The following UPF2 variants were observed in gnomAD, a reference collection of about 807,000 sequenced individuals.
UPF2 encodes the protein UPF2 regulator of nonsense mediated mRNA decay, also known as regulator of nonsense transcripts 2.
In UPF2, 17 loss-of-function variants were observed where a neutral mutation model predicts 141.4. The observed-to-expected ratio is 0.12, with a 90% CI of 0.08 to 0.18. The LOEUF is 0.18. UPF2 is among the 10% of genes least tolerant of loss of function. The pLI, the probability that UPF2 is intolerant of heterozygous loss-of-function variation, is 1.00. For missense variants in UPF2, 1,152 were observed against 1,515.9 expected (o/e 0.76, Z 3.99); for synonymous variants, 540 against 498.0 (o/e 1.08, Z -1.12).
chr10:12,036,655 G>C (rs1316282605), intron 1 of UPF2, among the ~76,000 whole-genome samples: 1 of 152,170 alleles, frequency 6.6e-6, no homozygotes, highest in Non-Finnish European at 1.5e-5. Flanking sequence ...TCTCTACTCA[G>C]AACTAGTTGT....
chr10:12,028,883 A>C lies in UPF2; in HGVS notation c.1007T>G (p.Leu336Trp). ...KVKSAAEKFNLSFPPSEIISP... is the reference protein window; with the variant it reads ...KVKSAAEKFNWSFPPSEIISP... ...AATTATCTCACTAGGAGGAAAACTCAAATTAAACTTCTCTGCAGCACTCTT... is the reference window on the plus strand; with the variant it reads ...AATTATCTCACTAGGAGGAAAACTCCAATTAAACTTCTCTGCAGCACTCTT... The change falls in exon 3 of 22, where the codon TTG (leucine) becomes TGG (tryptophan). Residue 336 changes from leucine (L) to tryptophan (W), a missense_variant. By Grantham distance (61) the Leu-to-Trp change is moderately conservative (BLOSUM62 -2). Around this residue, in one of 4 missense-constraint regions of UPF2, gnomAD observed 739 missense variants for 1,032.2 expected, o/e 0.72. Transcript: ENST00000357604. The C allele has an allele frequency of 1.9e-6, 3 of 1,614,206 alleles. No homozygotes were observed. Among genetic ancestry groups the C allele is most frequent in the Non-Finnish European group, 2.5e-6 (3 of 1,180,034 alleles).
chr10:11,999,190 C>T (rs1388041845), intron 7 of UPF2, among the ~76,000 whole-genome samples: 1 of 151,910 alleles, frequency 6.6e-6, no homozygotes, highest in Non-Finnish European at 1.5e-5. Context: ...CCCACCATCA[C>T]TTTTGCAAAT....
chr10:11,981,686 CT>C (rs35831597), intron 8 of UPF2, among the ~76,000 whole-genome samples: 147,020 of 151,576 alleles, frequency 0.97, 71,462 homozygotes, highest in Middle Eastern at 1. Context: ...GTAAGGTACT[CT>C]TTTTTTTTTC....
rs780250944 is a variant in UPF2, at chr10:12,029,318, T to C, written c.572A>G (p.His191Arg). ...ITEQQRDSLS[H>R]DFNGLNLSKY... The stretch of plus-strand genomic sequence containing the variant: ...GCTTAAATTTAGGCCATTAAAATCA[T>C]GGGACAAGGAGTCTCTCTGTTGTTC... The change falls in exon 3 of 22, where the codon CAT becomes CGT. Residue 191 changes from histidine to arginine, a missense_variant. His to Arg is a conservative substitution (Grantham distance 29). Transcript: ENST00000357604. 5 of 1,614,174 alleles carry C rather than the reference T, an allele frequency of 3.1e-6. No homozygotes were observed. The South Asian group carries it at 3.3e-5, about 11-fold the overall frequency.
At chr10:12,020,262 A>AT (rs1313647220) in intron 3 of UPF2, among the ~76,000 whole-genome samples, 2 of 141,916 alleles carry the variant, frequency 1.4e-5, no homozygotes, top group Admixed American at 1.4e-4. Context: ...TTTTTTTTTA[A>AT]TTTTTTTGAG....
chr10:11,955,530 A>G, intron 13 of UPF2, 23 bp from the exon 14 acceptor site: 1 of 1,589,394 alleles, frequency 6.3e-7, no homozygotes, highest in East Asian at 2.2e-5. Flanking sequence ...AAAACCACAG[A>G]TTTTCATTAA....
intron 18 of UPF2, among the ~76,000 whole-genome samples, chr10:11,938,078 C>T (rs956022063): frequency 3.9e-5 from 6 of 152,124 alleles, no homozygotes; most frequent in African/African-American, 1.2e-4. Context: ...TATGTTCTTT[C>T]GGATTTTTTC....
At position 11,998,998 on chromosome 10, in the gene UPF2, C is replaced by T. The variant is rs1833908831; in HGVS notation, c.1758+908G>A. Among the ~76,000 whole-genome samples the T allele has an allele frequency of 6.7e-6, 1 of 149,528 alleles. No homozygotes were observed. Among genetic ancestry groups the T allele is most frequent in the Non-Finnish European group, 1.5e-5 (1 of 67,570 alleles). ...CAAGACCGTGCCACTGCACTCCAGA[C>T]CGGGCAACAGAGCAAGACTCCACTC... On this transcript the variant is annotated intron_variant, in intron 7 of 21. Coordinates refer to ENST00000357604, the MANE Select transcript of UPF2 (RefSeq NM_015542.4). The surrounding 1 kb of genome is among the most constrained non-coding windows in gnomAD (Gnocchi z 4.5).
chr10:11,938,842 GTTTTTTTTTTGTTT>G lies in UPF2; in HGVS notation c.3379-2144_3379-2131del, dbSNP rs1284696422. On this transcript the variant is annotated intron_variant, in intron 18 of 21. Transcript: ENST00000357604. Reference sequence around the variant, plus strand: ...GTCCTAGCCATGTGGTCTTAAGCAAGTTTTTTTTTTGTTTTTTTTTTTTTTTTTTTTTTTTTTTT... The same window carrying G: ...GTCCTAGCCATGTGGTCTTAAGCAAGTTTTTTTTTTTTTTTTTTTTTTTTT... Among the ~76,000 whole-genome samples the G allele has an allele frequency of 4.5e-3, 207 of 45,864 alleles. 7 individuals carry two copies. The East Asian group carries it at 0.07, about 15-fold the overall frequency. The allele number at this position is 45,864 out of a possible 152,430, so 30.1% of individuals were successfully genotyped here.
intron 2 of UPF2, among the ~76,000 whole-genome samples, chr10:12,030,131 T>C (rs1017206838): frequency 6.6e-6 from 1 of 151,988 alleles, no homozygotes; most frequent in Admixed American, 6.6e-5. Flanking sequence ...GCAAGCTAAC[T>C]AGGTAAGACA....
chr10:12,000,902 C>T (rs1480247272), intron 6 of UPF2, among the ~76,000 whole-genome samples: 1 of 152,144 alleles, frequency 6.6e-6, no homozygotes, highest in African/African-American at 2.4e-5. Flanking sequence ...TGAATACAAA[C>T]ACAACTCAAT....
rs1394127375 is a variant in UPF2 at position 11,931,131 on chromosome 10, C to T, written c.3688+510G>A. ...CCAAGTAGACAAAAGGAGGTAAATACAGTCGTGTGCCGCGTGACCATGTTC... is the reference window on the plus strand; with the variant it reads ...CCAAGTAGACAAAAGGAGGTAAATATAGTCGTGTGCCGCGTGACCATGTTC... On this transcript the variant is annotated intron_variant, in intron 20 of 21. Transcript: ENST00000357604. The surrounding 1 kb of genome is among the most constrained non-coding windows in gnomAD (Gnocchi z 5.9). Among the ~76,000 whole-genome samples the T allele has an allele frequency of 1.3e-5, 2 of 152,168 alleles. No individual in the cohort carries two copies. The highest frequency in any genetic ancestry group is 4.8e-5 in the African/African-American group (2 of 41,438).
chr10:11,925,811 C>A (rs1003574962), intron 21 of UPF2, among the ~76,000 whole-genome samples: 1 of 152,208 alleles, frequency 6.6e-6, no homozygotes, highest in Non-Finnish European at 1.5e-5. Flanking sequence ...GGAGAAAGAA[C>A]AGCAGGAGAT....
chr10:12,035,544 T>A, intron 1 of UPF2, 103 bp from the exon 2 acceptor site: 1 of 1,254,482 alleles, frequency 8.0e-7, no homozygotes. Flanking sequence ...TTGGCAATTG[T>A]AAAAGAGTAA....
intron 2 of UPF2, among the ~76,000 whole-genome samples, 177 bp from the exon 3 acceptor site, chr10:12,029,701 C>T (rs1225683446): frequency 2.6e-5 from 4 of 152,154 alleles, no homozygotes; most frequent in Admixed American, 2.6e-4. Flanking sequence ...GTGGCTCATG[C>T]CTGTAATCCC....
chr10:11,978,957 C>A, intron 9 of UPF2, 100 bp downstream of exon 9: 1 of 1,001,084 alleles, frequency 1.0e-6, no homozygotes. Flanking sequence ...ATACCACTAT[C>A]AAATTTCAAG....
At chr10:11,934,505 T>C (rs1331210262) in intron 19 of UPF2, among the ~76,000 whole-genome samples, 1 of 152,232 alleles carries the variant, frequency 6.6e-6, no homozygotes, top group African/African-American at 2.4e-5. Flanking sequence ...GATTCAGCAA[T>C]GCTCTGATCC....
chr10:11,944,479 G>A (rs946025556), intron 16 of UPF2, among the ~76,000 whole-genome samples: 1 of 152,148 alleles, frequency 6.6e-6, no homozygotes, highest in East Asian at 1.9e-4. Flanking sequence ...GGGTGACAGA[G>A]CGAGACTCCA....
intron 3 of UPF2, among the ~76,000 whole-genome samples, chr10:12,025,464 T>C (rs942925610): frequency 9.9e-5 from 15 of 151,954 alleles, no homozygotes; most frequent in Non-Finnish European, 1.8e-4. Flanking sequence ...GGTAGGAGAA[T>C]TGCTTTAACC....
Sources: gnomAD v4.1 joint callset for allele counts (sites outside exome capture counted in the v4.1 genomes callset) on GRCh38, gnomAD v4.1.1 for gene constraint, gnomAD v4.1.1 regional missense constraint, Gnocchi (gnomAD v3.1) non-coding constraint, MANE v1.5 for transcripts, NCBI Gene and HGNC (gene_info 2026-07-23, HGNC 2026-07-21) for gene names.